SAXO1: variants seen among roughly 807,000 people sequenced by gnomAD.
The protein encoded by SAXO1 is 4930500O09Rik.
A neutral mutation model predicts 17.5 loss-of-function variants in SAXO1; 21 were observed. That is an observed-to-expected ratio of 1.20 (90% confidence interval 0.85 to 1.72). The LOEUF (loss-of-function observed/expected upper bound fraction) is 1.72, where lower values mean the gene tolerates loss of function less well. Among genes scored for constraint, SAXO1 ranks in the 40% most tolerant of loss-of-function variants. SAXO1 has a pLI of 0.00. For missense variants in SAXO1, 843 were observed against 596.0 expected (o/e 1.41, Z -4.32); for synonymous variants, 274 against 216.5 (o/e 1.27, Z -2.33).
intron 3 of SAXO1, among the ~76,000 whole-genome samples, chr9:18,931,138 G>T (rs1032526761): frequency 3.9e-5 from 6 of 152,160 alleles, no homozygotes; most frequent in Non-Finnish European, 8.8e-5. Flanking sequence ...TTTGCATCAT[G>T]CCAAAAATAC....
intron 1 of SAXO1, among the ~76,000 whole-genome samples, chr9:18,980,788 A>AAAT (rs1369552250): frequency 6.6e-6 from 1 of 150,394 alleles, no homozygotes; most frequent in African/African-American, 2.4e-5. Context: ...ACTGAAAAAA[A>AAAT]AAAAAAAAAA....
intron 1 of SAXO1, among the ~76,000 whole-genome samples, chr9:19,001,441 G>A (rs950745139): frequency 6.6e-6 from 1 of 152,112 alleles, no homozygotes; most frequent in Non-Finnish European, 1.5e-5. Flanking sequence ...GTTGAAGCAG[G>A]TGGATCATGA....
chr9:18,941,306 T>C (rs866776938), intron 3 of SAXO1, among the ~76,000 whole-genome samples: 6 of 69,558 alleles, frequency 8.6e-5, no homozygotes, highest in African/African-American at 4.6e-4. Context: ...ACTTTGCTAC[T>C]ATGCTAAAAA....
At chr9:18,943,158 G>T (rs532508537) in intron 2 of SAXO1, among the ~76,000 whole-genome samples, 1 of 152,332 alleles carries the variant, frequency 6.6e-6, no homozygotes, top group East Asian at 1.9e-4. Context: ...TAGTGGGATG[G>T]GAGAAGGAAG....
At chr9:19,005,786 T>C (rs1211349758) in intron 1 of SAXO1, among the ~76,000 whole-genome samples, 1 of 152,190 alleles carries the variant, frequency 6.6e-6, no homozygotes, top group Non-Finnish European at 1.5e-5. Flanking sequence ...TCATCGAAAT[T>C]AGAAACTTCT....
chr9:19,034,278 G>T (rs903105477), upstream of SAXO1, among the ~76,000 whole-genome samples: 14 of 151,992 alleles, frequency 9.2e-5, no homozygotes, highest in African/African-American at 3.1e-4. Flanking sequence ...TTGTGTGGGG[G>T]GGGTTAGGTT....
upstream of SAXO1, among the ~76,000 whole-genome samples, chr9:19,036,249 TATAATAA>T (rs1563996643): frequency 3.0e-4 from 24 of 79,732 alleles, no homozygotes; most frequent in Non-Finnish European, 4.8e-5. Context: ...GAACTTAAAG[TATAATAA>T]AAAAAAAAAA....
chr9:18,988,295 A>C (rs1339835105), intron 1 of SAXO1, among the ~76,000 whole-genome samples: 1 of 152,228 alleles, frequency 6.6e-6, no homozygotes, highest in East Asian at 1.9e-4. Context: ...TACATTATGA[A>C]ACAAGTGAAA....
At chr9:18,959,429 G>T (rs1832391479) in intron 1 of SAXO1, among the ~76,000 whole-genome samples, 1 of 152,118 alleles carries the variant, frequency 6.6e-6, no homozygotes, top group Admixed American at 6.5e-5. Flanking sequence ...AGGTCTGCTG[G>T]CCTCGACCCA....
chr9:19,028,357 C>A (rs533760001), intron 1 of SAXO1, among the ~76,000 whole-genome samples: 3 of 152,066 alleles, frequency 2.0e-5, no homozygotes, highest in Non-Finnish European at 2.9e-5. Flanking sequence ...GCCTGGGCAA[C>A]AGAGCGAGAC....
At chr9:19,046,923 A>G (rs1836230319) in intron 1 of SAXO1, among the ~76,000 whole-genome samples, 1 of 152,186 alleles carries the variant, frequency 6.6e-6, no homozygotes. Flanking sequence ...GCAGTGGCGC[A>G]TGCCTGTAAC....
chr9:18,971,307 A>G (rs1292826757), intron 1 of SAXO1, among the ~76,000 whole-genome samples: 4 of 152,062 alleles, frequency 2.6e-5, no homozygotes, highest in Admixed American at 1.3e-4. Context: ...GCTTGCCTCA[A>G]TTCTCCAAAC....
chr9:19,027,678 T>C, intron 1 of SAXO1: 2 of 1,357,618 alleles, frequency 1.5e-6, no homozygotes, highest in Non-Finnish European at 2.1e-6. Flanking sequence ...GCGCCCTCCA[T>C]CATCTTCACT....
chr9:18,992,960 C>G (rs993771155), intron 1 of SAXO1, among the ~76,000 whole-genome samples: 1 of 152,024 alleles, frequency 6.6e-6, no homozygotes, highest in East Asian at 1.9e-4. Context: ...ACCACCACAC[C>G]CAGGTAATTT....
At position 18,928,189 on chromosome 9, in the gene SAXO1, A is replaced by T. The variant is rs375720733; in HGVS notation, c.1288T>A (p.Tyr430Asn). ...CLASYPEPPG[Y>N]TFEEVDALGH... is the part of the protein sequence containing the mutation. Reference sequence around the variant, plus strand: ...AAAGCATCCACTTCCTCAAAGGTGTAGCCAGGAGGCTCAGGATATGAAGCT... The same window carrying T: ...AAAGCATCCACTTCCTCAAAGGTGTTGCCAGGAGGCTCAGGATATGAAGCT... Residue 430 changes from tyrosine to asparagine, a missense_variant, in exon 4 of 4, where the codon TAC becomes AAC. By Grantham distance (143) the Tyr-to-Asn change is moderately radical. Coordinates refer to ENST00000380534, the MANE Select transcript of SAXO1 (RefSeq NM_153707.4). 6.2e-7 allele frequency: 1 copy of T among 1,614,212 alleles called. No individual in the cohort carries two copies.
At chr9:18,981,876 C>T (rs1563960381) in intron 1 of SAXO1, among the ~76,000 whole-genome samples, 1 of 152,248 alleles carries the variant, frequency 6.6e-6, no homozygotes, top group Non-Finnish European at 1.5e-5. Flanking sequence ...TCCCCAACTC[C>T]AAAACCCTTT....
At chr9:19,017,445 A>G (rs1024853511) in intron 1 of SAXO1, among the ~76,000 whole-genome samples, 1 of 152,250 alleles carries the variant, frequency 6.6e-6, no homozygotes, top group Non-Finnish European at 1.5e-5. Context: ...CATTCTACAG[A>G]CAGGGACACT....
intron 1 of SAXO1, among the ~76,000 whole-genome samples, chr9:18,965,398 G>A (rs1017083783): frequency 6.6e-6 from 1 of 152,124 alleles, no homozygotes; most frequent in Non-Finnish European, 1.5e-5. Context: ...TCTCTTTGTA[G>A]GTCTCCTAGA....
chr9:18,968,598 G>GTTTTTTTT (rs34092832), intron 1 of SAXO1, among the ~76,000 whole-genome samples: 1 of 144,060 alleles, frequency 6.9e-6, no homozygotes, highest in African/African-American at 2.5e-5. Flanking sequence ...CCCCCTTTTT[G>GTTTTTTTT]TTTTTTTTTT....
Sources: gnomAD v4.1 joint callset for allele counts (sites outside exome capture counted in the v4.1 genomes callset) on GRCh38, gnomAD v4.1.1 for gene constraint, MANE v1.5 for transcripts, NCBI Gene and HGNC (gene_info 2026-07-23, HGNC 2026-07-21) for gene names.